MAGED1: variants seen among roughly 807,000 people sequenced by gnomAD.
MAGED1 encodes the protein melanoma-associated antigen D1.
A neutral mutation model predicts 54.1 loss-of-function variants in MAGED1; 3 were observed. The ratio of observed to expected loss-of-function variants is 0.06; its 90% CI spans 0.03 to 0.14. MAGED1 has a LOEUF of 0.14. Ranked by LOEUF, MAGED1 falls within the 10% of genes least tolerant of loss-of-function variation. The probability of loss-of-function intolerance (pLI) is 1.00; values close to 1 mark genes in which losing one functional copy is unlikely to be tolerated. For synonymous variants in MAGED1, 217 were observed against 227.3 expected, an observed-to-expected ratio of 0.95 and a Z score of 0.41; for missense variants, 485 against 623.4, an observed-to-expected ratio of 0.78 and a Z score of 2.36.
chrX:51,897,954 G>GATC, intron 7 of MAGED1, 68 bp downstream of exon 7: 1 of 958,909 alleles, frequency 1.0e-6, no homozygotes, highest in East Asian at 3.1e-5. Flanking sequence ...GTTTCACGTA[G>GATC]ATCAGGGTCC....
rs372120101 is a variant in MAGED1 at position 51,899,871 on chromosome X, A to G, written c.1845-311A>G. On this transcript the variant is annotated intron_variant, in intron 10 of 12. Coordinates refer to ENST00000326587, the MANE Select transcript of MAGED1 (RefSeq NM_006986.4). ...TTTGCACTGCATTGTACTCATTTCA[A>G]TGGACCTCTGTGGCTCACTGACAAG... 40 of 248,693 alleles carry G rather than the reference A, an allele frequency of 1.6e-4. No individual in the cohort carries two copies. In the East Asian group the frequency reaches 3.0e-3, roughly 18 times the overall value. 20.5% of individuals were successfully genotyped at this position (248,693 alleles called of 1,213,427 possible).
chrX:51,879,737 T>A (rs1449536276), intron 1 of MAGED1, among the ~76,000 whole-genome samples: 1 of 112,004 alleles, frequency 8.9e-6, no homozygotes, highest in Non-Finnish European at 1.9e-5. Context: ...ATCAAGATTT[T>A]AGGGTGATGA....
chrX:51,850,089 T>G (rs782127175), intron 1 of MAGED1, among the ~76,000 whole-genome samples: 1 of 110,199 alleles, frequency 9.1e-6, no homozygotes, highest in Non-Finnish European at 1.9e-5. Context: ...CTGTTTAACT[T>G]TTTATATTTT....
intron 1 of MAGED1, among the ~76,000 whole-genome samples, chrX:51,867,785 A>G (rs1557361204): frequency 8.9e-6 from 1 of 112,206 alleles, no homozygotes; most frequent in South Asian, 3.8e-4. Context: ...GTGGACAGAA[A>G]AGCAGGAGTG....
intron 1 of MAGED1, among the ~76,000 whole-genome samples, chrX:51,823,090 G>A (rs1557356688): frequency 8.9e-6 from 1 of 111,772 alleles, no homozygotes; most frequent in Non-Finnish European, 1.9e-5. Flanking sequence ...GTCTATCTTC[G>A]ATGAGAATAT....
At chrX:51,902,003 A>AT (rs1929046784) in intron 12 of MAGED1, 65 bp downstream of exon 12, 2 of 1,050,510 alleles carry the variant, frequency 1.9e-6, no homozygotes, top group African/African-American at 1.9e-5. Context: ...ATGGGGTTGT[A>AT]TTTATGTGCA....
upstream of MAGED1, among the ~76,000 whole-genome samples, chrX:51,891,752 G>A (rs1928444554): frequency 8.9e-6 from 1 of 112,218 alleles, no homozygotes; most frequent in South Asian, 3.7e-4. Flanking sequence ...TTAATTTAGA[G>A]AATACTGAGA....
chrX:51,814,990 G>GA (rs1925365417), intron 1 of MAGED1, among the ~76,000 whole-genome samples: 1 of 82,574 alleles, frequency 1.2e-5, no homozygotes, highest in Non-Finnish European at 2.4e-5. Context: ...AAAAAAAAAA[G>GA]AAATTAGCTG....
rs201224447 is a variant in MAGED1 at position 51,894,366 on chromosome X, C to G, written c.45+17C>G. 1 of 1,186,879 alleles carries G rather than the reference C, an allele frequency of 8.4e-7. No homozygotes were observed. The highest frequency in any genetic ancestry group is 3.1e-5 in the East Asian group (1 of 32,510). On this transcript the variant is annotated intron_variant, in intron 2 of 12. Coordinates refer to ENST00000326587, the MANE Select transcript of MAGED1 (RefSeq NM_006986.4). ...GGCTTCCAGGTGAGATCTCCACTCC[C>G]CACCCCACCATTTCCCCAGCCGACA...
intron 1 of MAGED1, among the ~76,000 whole-genome samples, chrX:51,836,018 G>A (rs781788612): frequency 1.6e-4 from 18 of 110,045 alleles, no homozygotes; most frequent in Non-Finnish European, 2.5e-4. Flanking sequence ...CCAATTTGTC[G>A]TATTTTTAAG....
chrX:51,865,481 A>G (rs782616502), intron 1 of MAGED1, among the ~76,000 whole-genome samples: 1 of 111,493 alleles, frequency 9.0e-6, no homozygotes, highest in Non-Finnish European at 1.9e-5. Context: ...TTCTTCTATC[A>G]TTTAGTTAAA....
chrX:51,901,700 G>T lies in MAGED1; in HGVS notation c.2107G>T (p.Gly703Trp). ...GGGAATTGGAGATGAGGCTGTGTCTGGGCCCTGGAGCTGGGATGACATTGA... is the reference window on the plus strand; with the variant it reads ...GGGAATTGGAGATGAGGCTGTGTCTTGGCCCTGGAGCTGGGATGACATTGA... ...RMGIGDEAVSGPWSWDDIEFE... is the reference protein window; with the variant it reads ...RMGIGDEAVSWPWSWDDIEFE... The change falls in exon 12 of 13, where the codon GGG becomes TGG. Residue 703 changes from glycine to tryptophan, a missense_variant. Gly to Trp is a radical substitution (Grantham distance 184, BLOSUM62 -2). Transcript: ENST00000326587. The T allele has an allele frequency of 8.3e-7, 1 of 1,211,359 alleles. No individual in the cohort carries two copies. Among genetic ancestry groups the T allele is most frequent in the Non-Finnish European group, 1.1e-6 (1 of 895,416 alleles).
chrX:51,887,467 T>A (rs150291868), intron 1 of MAGED1, among the ~76,000 whole-genome samples: 1,150 of 111,809 alleles, frequency 0.01, 5 homozygotes, highest in Admixed American at 0.023. Flanking sequence ...ATCAAGACTG[T>A]AGGATTTGAT....
intron 1 of MAGED1, among the ~76,000 whole-genome samples, chrX:51,829,176 G>A (rs575065559): frequency 9.0e-6 from 1 of 111,619 alleles, no homozygotes; most frequent in East Asian, 2.8e-4. Context: ...CTGAAACAAA[G>A]GGAAGAATAT....
intron 1 of MAGED1, among the ~76,000 whole-genome samples, chrX:51,807,714 A>G (rs902479865): frequency 9.8e-5 from 11 of 111,775 alleles, no homozygotes; most frequent in Admixed American, 7.6e-4. Flanking sequence ...CATCCTTTTC[A>G]TTAACTCAAA....
upstream of MAGED1, among the ~76,000 whole-genome samples, chrX:51,893,207 C>A: frequency 9.1e-6 from 1 of 110,450 alleles, no homozygotes; most frequent in Non-Finnish European, 1.9e-5. Context: ...ACACTTGTTG[C>A]AATTAGAGAC....
intron 1 of MAGED1, among the ~76,000 whole-genome samples, chrX:51,828,434 A>T (rs1925937238): frequency 9.0e-6 from 1 of 111,309 alleles, no homozygotes; most frequent in Admixed American, 9.5e-5. Flanking sequence ...GACTTTCTTT[A>T]TGAAGATTCA....
intron 1 of MAGED1, among the ~76,000 whole-genome samples, chrX:51,813,904 G>A (rs1925312960): frequency 8.9e-6 from 1 of 112,011 alleles, no homozygotes; most frequent in Non-Finnish European, 1.9e-5. Context: ...AGCTAACTTG[G>A]AAGTTTAGGT....
chrX:51,820,206 A>G (rs188161044), intron 1 of MAGED1, among the ~76,000 whole-genome samples: 1 of 112,001 alleles, frequency 8.9e-6, no homozygotes, highest in East Asian at 2.8e-4. Context: ...ATTGGGAAGT[A>G]TGACTCCTCC....
Sources: gnomAD v4.1 joint callset for allele counts (sites outside exome capture counted in the v4.1 genomes callset) on GRCh38, gnomAD v4.1.1 for gene constraint, MANE v1.5 for transcripts, NCBI Gene and HGNC (gene_info 2026-07-23, HGNC 2026-07-21) for gene names.